RGS9: variants seen among roughly 807,000 people sequenced by gnomAD.
RGS9 encodes the protein regulator of G protein signaling 9.
RGS9 carries 78 observed loss-of-function variants against 102.0 expected under a neutral mutation model. The observed-to-expected ratio is 0.76, with a 90% CI of 0.64 to 0.92. The LOEUF (loss-of-function observed/expected upper bound fraction) is 0.92, where lower values mean the gene tolerates loss of function less well. Among genes scored for constraint, RGS9 ranks in the 40% least tolerant of loss-of-function variants. The pLI is 0.00. For missense variants in RGS9, 833 were observed against 866.1 expected (o/e 0.96, Z 0.48); for synonymous variants, 353 against 318.6 (o/e 1.11, Z -1.15).
chr17:65,164,674 G>C (rs561868488), intron 7 of RGS9, among the ~76,000 whole-genome samples: 35 of 151,416 alleles, frequency 2.3e-4, no homozygotes, highest in African/African-American at 8.6e-4. Context: ...TTGCCCTCCA[G>C]GGGGGAAAAT....
intron 9 of RGS9, among the ~76,000 whole-genome samples, chr17:65,184,873 C>CTCTG (rs1912049140): frequency 6.7e-6 from 1 of 150,144 alleles, no homozygotes; most frequent in African/African-American, 2.5e-5. Context: ...CTCTCTCTCT[C>CTCTG]TCTCTTTCTT....
chr17:65,170,082 C>G lies in RGS9; in HGVS notation c.582+1801C>G, dbSNP rs1422966597. 2.1e-5 allele frequency among the ~76,000 whole-genome samples: 3 copies of G among 140,634 alleles called. No individual in the cohort carries two copies. In the East Asian group the frequency reaches 6.3e-4, roughly 29 times the overall value. 92.3% of individuals were successfully genotyped at this position (140,634 alleles called of 152,430 possible). ...TTTTTTTTTTTTTTCTGAGATGGAG[C>G]CTTGCTCTGTCACCCAGGCTGGAGT... On this transcript the variant is annotated intron_variant, in intron 8 of 18. Transcript: ENST00000262406.
At chr17:65,207,536 C>T (rs1913112765) in intron 15 of RGS9, among the ~76,000 whole-genome samples, 1 of 152,188 alleles carries the variant, frequency 6.6e-6, no homozygotes, top group South Asian at 2.1e-4. Context: ...AGTTCTGGGT[C>T]TAGTGTACTT....
chr17:65,179,443 A>G (rs1348162590), intron 9 of RGS9, among the ~76,000 whole-genome samples: 1 of 152,042 alleles, frequency 6.6e-6, no homozygotes, highest in Non-Finnish European at 1.5e-5. Flanking sequence ...TGCCATGGAA[A>G]CAGAATCCTC....
chr17:65,193,740 A>T (rs931257010), intron 12 of RGS9, 84 bp downstream of exon 12: 15 of 785,934 alleles, frequency 1.9e-5, no homozygotes, highest in Non-Finnish European at 3.2e-5. Flanking sequence ...CCTTCAAAGC[A>T]TACAGTTCAA....
At chr17:65,168,545 CTTTTTT>C (rs5821624) in intron 8 of RGS9, among the ~76,000 whole-genome samples, 77 of 85,272 alleles carry the variant, frequency 9.0e-4, no homozygotes, top group African/African-American at 6.8e-4. Flanking sequence ...AGGGCTGGGA[CTTTTTT>C]TTTTTTTTTT....
At chr17:65,146,675 A>G (rs2143959485) in intron 1 of RGS9, among the ~76,000 whole-genome samples, 1 of 152,024 alleles carries the variant, frequency 6.6e-6, no homozygotes, top group African/African-American at 2.4e-5. Context: ...CAGGCAGATC[A>G]CTTGAGGTCA....
At chr17:65,195,907 C>T (rs1912566623) in intron 12 of RGS9, among the ~76,000 whole-genome samples, 1 of 152,230 alleles carries the variant, frequency 6.6e-6, no homozygotes, top group Admixed American at 6.5e-5. Flanking sequence ...ACCAGGGAAC[C>T]TGTCAGACAT....
chr17:65,208,591 G>A (rs142666950), intron 16 of RGS9, among the ~76,000 whole-genome samples: 231 of 152,200 alleles, frequency 1.5e-3, no homozygotes, highest in African/African-American at 5.3e-3. Context: ...TGTCCTGAGG[G>A]GCAGATTGAA....
chr17:65,225,384 C>T lies in RGS9; in HGVS notation c.1790C>T (p.Ala597Val). 6.2e-7 allele frequency: 1 copy of T among 1,611,882 alleles called. No homozygotes were observed. The highest frequency in any genetic ancestry group is 2.2e-5 in the East Asian group (1 of 44,878). Reference protein sequence around the residue: ...RRGCLASPVFARLSPKCPAVS... With the variant: ...RRGCLASPVFVRLSPKCPAVS... ...GGCTGTCTGGCCTCACCTGTCTTTG[C>T]CAGGCTCTCACCCAAGTGCCCTGCT... The change falls in exon 18 of 19, where the codon GCC becomes GTC. Residue 597 changes from alanine (A) to valine (V), a missense_variant. Coordinates refer to ENST00000262406, the MANE Select transcript of RGS9 (RefSeq NM_003835.4).
intron 1 of RGS9, among the ~76,000 whole-genome samples, chr17:65,139,162 C>T (rs1358375188): frequency 5.9e-5 from 2 of 34,120 alleles, no homozygotes; most frequent in Non-Finnish European, 7.9e-5. Context: ...ACCCTGTCTT[C>T]CCCTTCCTCT....
intron 8 of RGS9, among the ~76,000 whole-genome samples, chr17:65,175,417 A>C (rs1167619798): frequency 6.6e-6 from 1 of 152,078 alleles, no homozygotes; most frequent in East Asian, 1.9e-4. Context: ...GACTCTGCTG[A>C]GCCCCTGCCA....
chr17:65,150,530 G>A (rs995392912), intron 1 of RGS9, among the ~76,000 whole-genome samples: 4 of 152,212 alleles, frequency 2.6e-5, no homozygotes, highest in African/African-American at 7.2e-5. Flanking sequence ...GCTGAGGCAA[G>A]AGAATCATTT....
chr17:65,210,488 C>G lies in RGS9; in HGVS notation c.1290C>G (p.Ser430Arg), dbSNP rs1333822796. The change falls in exon 17 of 19, where the codon AGC becomes AGG. Residue 430 changes from serine to arginine, a missense_variant and splice_region_variant. Physicochemically the swap from Ser to Arg is moderately radical, Grantham distance 110. Coordinates refer to ENST00000262406, the MANE Select transcript of RGS9 (RefSeq NM_003835.4). ...AIEPQETTKK[S>R]STLPFMRRHL... is the part of the protein sequence containing the mutation. ...ACCACCAATCTGTCCTTCCTTCCAG[C>G]TCCACCCTCCCTTTTATGCGGCGTC... is the stretch of plus-strand genomic sequence containing the variant. 3.7e-6 allele frequency: 6 copies of G among 1,613,012 alleles called. No individual in the cohort carries two copies. Among genetic ancestry groups the G allele is most frequent in the Non-Finnish European group, 5.1e-6 (6 of 1,179,940 alleles).
Position 65,137,387 on chromosome 17 carries a change from G to T in RGS9, c.-154G>T, listed in dbSNP as rs1010896936. 5 of 714,474 alleles carry T rather than the reference G, an allele frequency of 7.0e-6. No homozygotes were observed. The highest frequency in any genetic ancestry group is 1.2e-5 in the Non-Finnish European group (5 of 406,326). The allele number at this position is 714,474 out of a possible 1,614,324, so 44.3% of individuals were successfully genotyped here. On this transcript the variant is annotated 5_prime_UTR_variant, in exon 1 of 19. Transcript: ENST00000262406. ...GCTTTCCAAGTCAGCGGCGCCTAGT[G>T]AGAGTCAGGGGGGCCCGGCCCGCGC...
At chr17:65,140,009 A>G (rs1910094649) in intron 1 of RGS9, among the ~76,000 whole-genome samples, 1 of 152,220 alleles carries the variant, frequency 6.6e-6, no homozygotes, top group African/African-American at 2.4e-5. Flanking sequence ...CATGTGATGA[A>G]GTACACGGTG....
chr17:65,210,112 A>G (rs1346020659), intron 16 of RGS9, among the ~76,000 whole-genome samples: 2 of 152,152 alleles, frequency 1.3e-5, no homozygotes, highest in Non-Finnish European at 2.9e-5. Flanking sequence ...AAAAAAGAAA[A>G]GAAAATAAAC....
chr17:65,158,904 G>A, intron 3 of RGS9: 1 of 238,546 alleles, frequency 4.2e-6, no homozygotes, highest in Non-Finnish European at 8.3e-6. Flanking sequence ...GCAGTGTCAG[G>A]CCTCTGAGCC....
chr17:65,151,145 G>C (rs1004545164), intron 1 of RGS9, among the ~76,000 whole-genome samples: 1 of 152,168 alleles, frequency 6.6e-6, no homozygotes, highest in African/African-American at 2.4e-5. Context: ...AGGAGTTTGA[G>C]ACCAGCGTGG....
Sources: gnomAD v4.1 joint callset for allele counts (sites outside exome capture counted in the v4.1 genomes callset) on GRCh38, gnomAD v4.1.1 for gene constraint, MANE v1.5 for transcripts, NCBI Gene and HGNC (gene_info 2026-07-23, HGNC 2026-07-21) for gene names.